The following ACOT12 variants were observed in gnomAD, a reference collection of about 807,000 sequenced individuals.
ACOT12 encodes acetyl-coenzyme A thioesterase.
A neutral mutation model predicts 67.7 loss-of-function variants in ACOT12; 51 were observed. The observed-to-expected ratio is 0.75, with a 90% CI of 0.60 to 0.95. The LOEUF is 0.95. ACOT12 is among the 40% of genes least tolerant of loss of function. ACOT12 has a pLI of 0.00. For missense variants in ACOT12, 734 were observed against 708.1 expected (o/e 1.04, Z -0.41); for synonymous variants, 251 against 244.6 (o/e 1.03, Z -0.24).
chr5:81,364,070 T>C (rs779033559), intron 3 of ACOT12, among the ~76,000 whole-genome samples, 181 bp from the exon 4 acceptor site: 26 of 152,110 alleles, frequency 1.7e-4, no homozygotes, highest in Non-Finnish European at 3.4e-4. Flanking sequence ...CAATTAGCTT[T>C]TTTCTGATTA....
Position 81,337,182 on chromosome 5 carries a change from G to C in ACOT12, c.1129-1281C>G, listed in dbSNP as rs191196357. 3.2e-4 allele frequency among the ~76,000 whole-genome samples: 49 copies of C among 152,278 alleles called. No homozygotes were observed. The East Asian group carries it at 9.1e-3, about 28-fold the overall frequency. On this transcript the variant is annotated intron_variant, in intron 11 of 14. Coordinates refer to ENST00000307624, the MANE Select transcript of ACOT12 (RefSeq NM_130767.3). ...TATCAGATTCATCAGTCATCCAATC[G>C]GTGGTTGGTAGGTAAGTGGCTCTAG... is the stretch of plus-strand genomic sequence containing the variant.
rs938282510 is a variant in ACOT12 at position 81,336,010 on chromosome 5, T to G, written c.1129-109A>C. 1.0e-5 allele frequency: 12 copies of G among 1,175,296 alleles called. No homozygotes were observed. In the African/African-American group the frequency reaches 1.9e-4, roughly 19 times the overall value. The allele number at this position is 1,175,296 out of a possible 1,614,324, so 72.8% of individuals were successfully genotyped here. A position where few individuals can be genotyped will look rare whatever the true frequency, so the allele number is the denominator to read the frequency against. On this transcript the variant is annotated intron_variant, in intron 11 of 14. Coordinates refer to ENST00000307624, the MANE Select transcript of ACOT12 (RefSeq NM_130767.3). ...GACCAATTGCACTAACTAAGGCATC[T>G]TATTTCCTGGATGAAATTGAAGCCC...
chr5:81,330,647 C>A (rs1461708478), intron 14 of ACOT12, 104 bp from the exon 15 acceptor site: 11 of 1,487,334 alleles, frequency 7.4e-6, no homozygotes, highest in Non-Finnish European at 1.0e-5. Flanking sequence ...AGACCCTAAT[C>A]TTCTGGGGGA....
the ACOT12 span, among the ~76,000 whole-genome samples, chr5:81,316,119 A>G: frequency 1.3e-5 from 2 of 152,250 alleles, no homozygotes; most frequent in Non-Finnish European, 2.9e-5. Context: ...TTAGGAAGCC[A>G]TGGGAAAGTT....
Position 81,342,628 on chromosome 5 carries a change from T to C in ACOT12, c.1128+44A>G, listed in dbSNP as rs371310882. ...GAACCACCACCACCACAGCTTTCGTTTGTGATGGGCGATGGATTATGCAAA... is the reference window on the plus strand; with the variant it reads ...GAACCACCACCACCACAGCTTTCGTCTGTGATGGGCGATGGATTATGCAAA... On this transcript the variant is annotated intron_variant, in intron 11 of 14. Transcript: ENST00000307624. 64 of 1,591,966 alleles carry C rather than the reference T, an allele frequency of 4.0e-5. 1 individual carries two copies. The East Asian group carries it at 1.0e-3, about 25-fold the overall frequency.
intron 2 of ACOT12, among the ~76,000 whole-genome samples, chr5:81,373,820 T>C (rs912052792): frequency 6.6e-6 from 1 of 152,134 alleles, no homozygotes; most frequent in African/African-American, 2.4e-5. Flanking sequence ...CCTCTCTAGA[T>C]TCCTCCTCTC....
intron 2 of ACOT12, among the ~76,000 whole-genome samples, chr5:81,377,913 A>C (rs1760468235): frequency 1.3e-5 from 2 of 152,238 alleles, no homozygotes; most frequent in South Asian, 4.1e-4. Flanking sequence ...CATACTGCCC[A>C]AAGTAATTTA....
chr5:81,328,697 A>C (rs539091726), downstream of ACOT12, among the ~76,000 whole-genome samples: 2 of 152,210 alleles, frequency 1.3e-5, no homozygotes, highest in African/African-American at 4.8e-5. Flanking sequence ...GATGAGTCCT[A>C]TGTTTTTGTT....
At chr5:81,366,018 A>G in intron 3 of ACOT12, among the ~76,000 whole-genome samples, 1 of 152,230 alleles carries the variant, frequency 6.6e-6, no homozygotes, top group East Asian at 1.9e-4. Flanking sequence ...AACATGGACA[A>G]TTCCAAGAAC....
At chr5:81,351,994 C>T (rs186029343) in intron 5 of ACOT12, among the ~76,000 whole-genome samples, 202 of 152,166 alleles carry the variant, frequency 1.3e-3, no homozygotes, top group African/African-American at 4.6e-3. Flanking sequence ...GGCAAACAGG[C>T]ATATAAAAAG....
chr5:81,344,752 C>G, intron 8 of ACOT12, 139 bp downstream of exon 8: 1 of 1,084,638 alleles, frequency 9.2e-7, no homozygotes, highest in Non-Finnish European at 1.3e-6. Context: ...AAGAAAAAAG[C>G]CCACTTCACT....
chr5:81,317,534 C>T, the ACOT12 span, among the ~76,000 whole-genome samples: 1 of 150,616 alleles, frequency 6.6e-6, no homozygotes, highest in Admixed American at 6.6e-5. Flanking sequence ...TTAATTGACT[C>T]ACAGTTTCAC....
intron 3 of ACOT12, 47 bp from the exon 4 acceptor site, chr5:81,363,936 T>A: frequency 7.3e-7 from 1 of 1,372,230 alleles, no homozygotes; most frequent in Non-Finnish European, 9.7e-7. Flanking sequence ...CCAGTTCAGA[T>A]TTCAGCATTC....
At chr5:81,309,093 T>C in the ACOT12 span, 1 of 1,294,944 alleles carries the variant, frequency 7.7e-7, no homozygotes, top group South Asian at 1.4e-5. Context: ...GCAGTTGTGA[T>C]TTAATTTACA....
intron 13 of ACOT12, 129 bp from the exon 14 acceptor site, chr5:81,331,069 G>C (rs1369314493): frequency 9.0e-6 from 10 of 1,109,264 alleles, no homozygotes; most frequent in East Asian, 2.7e-5. Flanking sequence ...TCTTCTAGAA[G>C]AGTGGTCTCA....
At chr5:81,349,264 C>G (rs1759479977) in intron 5 of ACOT12, among the ~76,000 whole-genome samples, 1 of 152,068 alleles carries the variant, frequency 6.6e-6, no homozygotes, top group Non-Finnish European at 1.5e-5. Context: ...TTTCTTATTT[C>G]CAGTGATCGT....
At chr5:81,391,279 A>C (rs1184207340) in intron 1 of ACOT12, among the ~76,000 whole-genome samples, 3 of 152,180 alleles carry the variant, frequency 2.0e-5, no homozygotes, top group Admixed American at 1.3e-4. Context: ...GCTTTTCCCA[A>C]ACCCTGTCTT....
Position 81,346,138 on chromosome 5 carries a change from G to A in ACOT12, c.654-134C>T, listed in dbSNP as rs932697607. 5 of 1,368,698 alleles carry A rather than the reference G, an allele frequency of 3.7e-6. No individual in the cohort carries two copies. The African/African-American group carries it at 4.4e-5, about 12-fold the overall frequency. 84.8% of individuals were successfully genotyped at this position (1,368,698 alleles called of 1,614,324 possible). A position where few individuals can be genotyped will look rare whatever the true frequency, so the allele number is the denominator to read the frequency against. On this transcript the variant is annotated intron_variant, in intron 6 of 14. Transcript: ENST00000307624. ...AAATAACTGGATTATGTGGGTTGAG[G>A]GTAGGTCTGCACGCTACCTGCCAAT...
rs944597889 is a variant in ACOT12 at position 81,352,511 on chromosome 5, C to T, written c.497-4581G>A. 1.2e-4 allele frequency among the ~76,000 whole-genome samples: 19 copies of T among 152,156 alleles called. No homozygotes were observed. In the South Asian group the frequency reaches 3.5e-3, roughly 28 times the overall value. On this transcript the variant is annotated intron_variant, in intron 5 of 14. Coordinates refer to ENST00000307624, the MANE Select transcript of ACOT12 (RefSeq NM_130767.3). ...GTGAAATAAGGCACAGAAAGACAAA[C>T]GACAAACATTGCATGTTTTCACTTA... is the stretch of plus-strand genomic sequence containing the variant.
Sources: allele counts gnomAD v4.1 joint callset (sites outside exome capture counted in the v4.1 genomes callset), GRCh38; gene constraint gnomAD v4.1.1; transcripts MANE v1.5; gene names NCBI Gene and HGNC (gene_info 2026-07-23, HGNC 2026-07-21).